MTARC1: variants seen among roughly 807,000 people sequenced by gnomAD.
The protein encoded by MTARC1 is mitochondrial amidoxime reducing component 1, also known as mitochondrial amidoxime-reducing component 1.
In MTARC1, 24 loss-of-function variants were observed where a neutral mutation model predicts 33.6. The ratio of observed to expected loss-of-function variants is 0.72; its 90% CI spans 0.52 to 1.01. The LOEUF is 1.01. MTARC1 is among the 50% of genes least tolerant of loss of function. The probability of loss-of-function intolerance (pLI) is 0.00; values close to 1 mark genes in which losing one functional copy is unlikely to be tolerated. For missense variants in MTARC1, 417 were observed against 445.7 expected, an observed-to-expected ratio of 0.94 and a Z score of 0.58; for synonymous variants, 187 against 189.5, an observed-to-expected ratio of 0.99 and a Z score of 0.11.
At chr1:220,804,746 C>T (rs138245934) in intron 4 of MTARC1, among the ~76,000 whole-genome samples, 193 of 151,322 alleles carry the variant, frequency 1.3e-3, no homozygotes, top group African/African-American at 4.5e-3. Context: ...ACCCCACCCC[C>T]CACCACCAGT....
chr1:220,811,509 ACT>A (rs1673133290), intron 6 of MTARC1, among the ~76,000 whole-genome samples: 1 of 152,014 alleles, frequency 6.6e-6, no homozygotes, highest in African/African-American at 2.4e-5. Flanking sequence ...TCTAGATTTG[ACT>A]CTCTGTTTTC....
chr1:220,813,390 G>A lies in MTARC1; in HGVS notation c.986G>A (p.Gly329Glu), dbSNP rs1673199677. The A allele has an allele frequency of 1.2e-6, 2 of 1,614,192 alleles. No individual in the cohort carries two copies. The highest frequency in any genetic ancestry group is 1.7e-6 in the Non-Finnish European group (2 of 1,180,034). Residue 329 changes from glycine to glutamate, a missense_variant, in exon 7 of 7, where the codon GGA becomes GAA. Coordinates refer to ENST00000366910, the MANE Select transcript of MTARC1 (RefSeq NM_022746.4). Reference sequence around the variant, plus strand: ...GAAAACCCAGGGACCATCAAAGTGGGAGACCCTGTGTACCTGCTGGGCCAG... The same window carrying A: ...GAAAACCCAGGGACCATCAAAGTGGAAGACCCTGTGTACCTGCTGGGCCAG... The part of the protein sequence containing the change: ...VLENPGTIKV[G>E]DPVYLLGQ
rs1192599137 is a variant in MTARC1 at position 220,805,220 on chromosome 1, T to C, written c.833T>C (p.Val278Ala). The C allele has an allele frequency of 1.9e-6, 3 of 1,613,748 alleles. No individual in the cohort carries two copies. Among genetic ancestry groups the C allele is most frequent in the African/African-American group, 2.7e-5 (2 of 74,872 alleles). Reference protein sequence around the residue: ...MACSRCILTTVDPDTGVMSRK... With the variant: ...MACSRCILTTADPDTGVMSRK... The stretch of plus-strand genomic sequence containing the variant: ...GTGTCCAGATGCATTTTAACCACAG[T>C]GGACCCAGACACCGGTGTCATGAGC... The change falls in exon 6 of 7, where the codon GTG becomes GCG. Residue 278 changes from valine to alanine, a missense_variant. Physicochemically the swap from Val to Ala is moderately conservative, Grantham distance 64 (BLOSUM62 0). Transcript: ENST00000366910.
At chr1:220,799,133 G>A (rs977965693) in intron 4 of MTARC1, 2 of 985,278 alleles carry the variant, frequency 2.0e-6, no homozygotes, top group African/African-American at 3.5e-5. Context: ...TGTAATTTAT[G>A]AGATGTATAA....
chr1:220,799,833 G>A (rs180955695), intron 4 of MTARC1, among the ~76,000 whole-genome samples: 12 of 152,330 alleles, frequency 7.9e-5, no homozygotes, highest in African/African-American at 2.6e-4. Flanking sequence ...ACTCGCCGAG[G>A]CATCTGCTTC....
chr1:220,813,512 T>A lies in MTARC1; in HGVS notation c.*94T>A. The A allele has an allele frequency of 6.7e-7, 1 of 1,491,962 alleles. No homozygotes were observed. The highest frequency in any genetic ancestry group is 1.3e-5 in the South Asian group (1 of 79,702). 92.4% of individuals were successfully genotyped at this position (1,491,962 alleles called of 1,614,324 possible). ...CATGGTGTTTCAGAACTGAGACCTC[T>A]ACATTTTCTTTAAATTTGTGATTTT... On this transcript the variant is annotated 3_prime_UTR_variant, in exon 7 of 7. Coordinates refer to ENST00000366910, the MANE Select transcript of MTARC1 (RefSeq NM_022746.4).
At chr1:220,806,107 T>C (rs1672963577) in intron 6 of MTARC1, among the ~76,000 whole-genome samples, 1 of 152,208 alleles carries the variant, frequency 6.6e-6, no homozygotes, top group South Asian at 2.1e-4. Flanking sequence ...CTCTAAACTT[T>C]CTATAATTAC....
intron 6 of MTARC1, among the ~76,000 whole-genome samples, chr1:220,813,077 A>C (rs1673185095): frequency 6.6e-6 from 1 of 152,142 alleles, no homozygotes; most frequent in South Asian, 2.1e-4. Flanking sequence ...TAGAGAAAAG[A>C]TGTGGGGATG....
chr1:220,804,488 GC>G (rs1338986403), intron 4 of MTARC1, among the ~76,000 whole-genome samples: 1 of 152,154 alleles, frequency 6.6e-6, no homozygotes, highest in Non-Finnish European at 1.5e-5. Flanking sequence ...CACTGACCCA[GC>G]CCACAGCTCC....
chr1:220,800,058 G>A (rs1329087988), intron 4 of MTARC1, among the ~76,000 whole-genome samples: 1 of 152,152 alleles, frequency 6.6e-6, no homozygotes. Flanking sequence ...TTTGTGCACC[G>A]AGGGTCATGC....
chr1:220,805,565 TAGATGATACC>T (rs922307974), intron 6 of MTARC1, among the ~76,000 whole-genome samples: 29 of 152,220 alleles, frequency 1.9e-4, no homozygotes, highest in Non-Finnish European at 4.4e-5. Flanking sequence ...GGCTAAGTAT[TAGATGATACC>T]AAAAAATGTA....
chr1:220,789,421 A>G lies in MTARC1; in HGVS notation c.276-2070A>G, dbSNP rs539169612. Among the ~76,000 whole-genome samples, 3 of 151,332 alleles carry G rather than the reference A, an allele frequency of 2.0e-5. No homozygotes were observed. In the East Asian group the frequency reaches 5.8e-4, roughly 29 times the overall value. ...CCACACATAAAATACACTAACACTA[A>G]CAACAGCTGATGAGCAAAAACAAAA... On this transcript the variant is annotated intron_variant, in intron 1 of 6. Coordinates refer to ENST00000366910, the MANE Select transcript of MTARC1 (RefSeq NM_022746.4).
At chr1:220,808,737 G>A in intron 6 of MTARC1, 1 of 444,230 alleles carries the variant, frequency 2.3e-6, no homozygotes. Context: ...GCAGTGGGAG[G>A]AAAAGAAATA....
Position 220,804,059 on chromosome 1 carries a change from C to T in MTARC1, c.754-993C>T, listed in dbSNP as rs141308836. ...ACTCCAGGTCTTTGCCTTCCGCCCT[C>T]GTGTGGTGGGCAATTCTCTCCGAGG... On this transcript the variant is annotated intron_variant, in intron 4 of 6. Transcript: ENST00000366910. 1.1e-4 allele frequency among the ~76,000 whole-genome samples: 16 copies of T among 152,272 alleles called. No homozygotes were observed. The East Asian group carries it at 2.1e-3, about 20-fold the overall frequency.
Position 220,810,139 on chromosome 1 carries a change from C to A in MTARC1, c.888-3153C>A, listed in dbSNP as rs2102609189. 2.6e-5 allele frequency among the ~76,000 whole-genome samples: 4 copies of A among 152,170 alleles called. No individual in the cohort carries two copies. The South Asian group carries it at 8.3e-4, about 32-fold the overall frequency. ...CATGTTCATTTAAGGAGAAAGTGCA[C>A]TAAGGAAGATTTTAAATGAGTTTTA... On this transcript the variant is annotated intron_variant, in intron 6 of 6. Coordinates refer to ENST00000366910, the MANE Select transcript of MTARC1 (RefSeq NM_022746.4).
In MTARC1 at chr1:220,815,561, G is replaced by C. The variant is rs1673264603; in HGVS notation, c.*2143G>C. The C allele has an allele frequency of 6.6e-6, 1 of 152,188 alleles. No homozygotes were observed. The highest frequency in any genetic ancestry group is 6.5e-5 in the Admixed American group (1 of 15,276). The allele number at this position is 152,188 out of a possible 1,614,324, so 9.4% of individuals were successfully genotyped here. ...GGAAGATTCCTGTTTGAAGAGAGAA[G>C]TTCCAGTGACCTCTAGAATCTCAGA... On this transcript the variant is annotated 3_prime_UTR_variant, in exon 7 of 7. Transcript: ENST00000366910.
intron 4 of MTARC1, among the ~76,000 whole-genome samples, chr1:220,801,350 C>G (rs1005143377): frequency 6.6e-6 from 1 of 152,164 alleles, no homozygotes; most frequent in South Asian, 2.1e-4. Flanking sequence ...ACCCAGCCCC[C>G]CCCACAGCAC....
chr1:220,796,784 C>T lies in MTARC1; in HGVS notation c.591C>T (p.Asp197=), dbSNP rs1442830226. The change falls in exon 3 of 7, where the codon GAC becomes GAT. Residue 197 remains aspartate (D), a synonymous_variant. Coordinates refer to ENST00000366910, the MANE Select transcript of MTARC1 (RefSeq NM_022746.4). ...MRPRRPHQIA[D]LFRPKDQIAY... is the part of the protein sequence containing the mutation. ...CGAGACGTCCTCATCAAATAGCAGA[C>T]TTGTTCCGACCCAAGGACCAGGTGA... The T allele has an allele frequency of 1.9e-6, 3 of 1,610,812 alleles. No homozygotes were observed. Among genetic ancestry groups the T allele is most frequent in the Middle Eastern group, 1.7e-4 (1 of 6,050 alleles).
intron 6 of MTARC1, chr1:220,809,066 G>A (rs1652899641): frequency 5.1e-6 from 2 of 393,976 alleles, no homozygotes; most frequent in Admixed American, 6.0e-5. Context: ...GTGCTCTGCT[G>A]AGCTAAACAC....
Sources: allele counts gnomAD v4.1 joint callset (sites outside exome capture counted in the v4.1 genomes callset), GRCh38; gene constraint gnomAD v4.1.1; transcripts MANE v1.5; gene names NCBI Gene and HGNC (gene_info 2026-07-23, HGNC 2026-07-21).